The following SPTLC3 variants were observed in gnomAD, a reference collection of about 807,000 sequenced individuals.
The protein encoded by SPTLC3 is serine palmitoyltransferase long chain base subunit 3.
In SPTLC3, 36 loss-of-function variants were observed where a neutral mutation model predicts 59.3. The observed-to-expected ratio is 0.61, with a 90% CI of 0.47 to 0.80. The LOEUF (loss-of-function observed/expected upper bound fraction) is 0.80, where lower values mean the gene tolerates loss of function less well. Among genes scored for constraint, SPTLC3 ranks in the 30% least tolerant of loss-of-function variants. SPTLC3 has a pLI of 0.00. For synonymous variants in SPTLC3, 257 were observed against 240.8 expected (o/e 1.07, Z -0.62); for missense variants, 625 against 685.1 (o/e 0.91, Z 0.98).
chr20:13,092,898 A>C (rs191608022), intron 5 of SPTLC3, among the ~76,000 whole-genome samples: 105 of 152,314 alleles, frequency 6.9e-4, no homozygotes, highest in African/African-American at 2.5e-3. Context: ...TACAAAGGGT[A>C]ATTTACAAGC....
chr20:13,105,119 G>A (rs1989805601), intron 6 of SPTLC3, among the ~76,000 whole-genome samples: 1 of 152,134 alleles, frequency 6.6e-6, no homozygotes, highest in Non-Finnish European at 1.5e-5. Flanking sequence ...TGTAACCCAC[G>A]CACTGTAGCC....
chr20:13,083,017 A>G (rs916252868), intron 4 of SPTLC3, among the ~76,000 whole-genome samples: 2 of 152,238 alleles, frequency 1.3e-5, no homozygotes, highest in African/African-American at 4.8e-5. Flanking sequence ...CAATCCATTT[A>G]TTCTGTACTC....
intron 2 of SPTLC3, among the ~76,000 whole-genome samples, chr20:13,057,611 T>C (rs1035775626): frequency 1.3e-5 from 2 of 152,174 alleles, no homozygotes; most frequent in South Asian, 2.1e-4. Flanking sequence ...GAGTATTAAC[T>C]GAAAAGAATA....
chr20:13,025,366 G>C (rs1186181892), intron 1 of SPTLC3, among the ~76,000 whole-genome samples: 1 of 152,062 alleles, frequency 6.6e-6, no homozygotes, highest in Non-Finnish European at 1.5e-5. Context: ...CTAGTAACCT[G>C]AATCATTATG....
rs534355052 is a variant in SPTLC3, at chr20:13,071,594, G to A, written c.304-662G>A. Among the ~76,000 whole-genome samples the A allele has an allele frequency of 3.3e-5, 5 of 152,290 alleles. No homozygotes were observed. The East Asian group carries it at 9.6e-4, about 29-fold the overall frequency. Reference sequence around the variant, plus strand: ...AAAATCAAATGAGCGCCGGCAATGAGCTATACTTTTTTTTCTAAACGGGAA... The same window carrying A: ...AAAATCAAATGAGCGCCGGCAATGAACTATACTTTTTTTTCTAAACGGGAA... On this transcript the variant is annotated intron_variant, in intron 2 of 11. Transcript: ENST00000399002.
chr20:13,135,950 T>C (rs1216219629), intron 9 of SPTLC3, among the ~76,000 whole-genome samples: 1 of 152,234 alleles, frequency 6.6e-6, no homozygotes, highest in East Asian at 1.9e-4. Flanking sequence ...TATAATCAAG[T>C]GACCAGTAAT....
At chr20:13,073,781 C>G in intron 3 of SPTLC3, 1 of 597,756 alleles carries the variant, frequency 1.7e-6, no homozygotes, top group South Asian at 1.5e-5. Context: ...GGCAGCCAGC[C>G]TGCACTGGTC....
chr20:13,108,539 G>T (rs1261676898), intron 6 of SPTLC3, among the ~76,000 whole-genome samples: 1 of 152,128 alleles, frequency 6.6e-6, no homozygotes, highest in African/African-American at 2.4e-5. Context: ...TGTCTGTAGT[G>T]GTCAAAACCA....
At chr20:13,105,938 T>C (rs535537854) in intron 6 of SPTLC3, among the ~76,000 whole-genome samples, 2 of 152,330 alleles carry the variant, frequency 1.3e-5, no homozygotes, top group South Asian at 4.1e-4. Flanking sequence ...TTTTAGGAAC[T>C]CTGCCTAAAG....
Position 13,146,022 on chromosome 20 carries a change from A to G in SPTLC3, c.1280-7981A>G, listed in dbSNP as rs372828551. 2.6e-4 allele frequency among the ~76,000 whole-genome samples: 39 copies of G among 152,366 alleles called. 1 individual carries two copies. The East Asian group carries it at 7.1e-3, about 28-fold the overall frequency. On this transcript the variant is annotated intron_variant, in intron 9 of 11. Transcript: ENST00000399002. ...TCACAATAGCAAAGACATGGAATCA[A>G]CCTAAATCCTTATCAATGACAGACT...
chr20:13,100,449 G>A (rs1481538701), intron 6 of SPTLC3, among the ~76,000 whole-genome samples: 1 of 152,132 alleles, frequency 6.6e-6, no homozygotes, highest in Non-Finnish European at 1.5e-5. Flanking sequence ...GGGTACTAGA[G>A]CCAGGCCTGG....
At chr20:13,021,124 C>T (rs1406601694) in intron 1 of SPTLC3, among the ~76,000 whole-genome samples, 1 of 152,110 alleles carries the variant, frequency 6.6e-6, no homozygotes, top group African/African-American at 2.4e-5. Context: ...GAAAAATAAT[C>T]ACTCTCTCTT....
chr20:13,067,375 C>T (rs1988262890), intron 2 of SPTLC3, among the ~76,000 whole-genome samples: 1 of 152,038 alleles, frequency 6.6e-6, no homozygotes, highest in Admixed American at 6.5e-5. Context: ...TTGAAGCTGG[C>T]TTTATTAGCT....
At chr20:13,021,857 T>C (rs1480565669) in intron 1 of SPTLC3, among the ~76,000 whole-genome samples, 1 of 152,210 alleles carries the variant, frequency 6.6e-6, no homozygotes, top group Non-Finnish European at 1.5e-5. Flanking sequence ...AAGCTTTATT[T>C]CTAACACATC....
intron 4 of SPTLC3, among the ~76,000 whole-genome samples, chr20:13,076,429 A>G (rs1359603949): frequency 1.3e-5 from 2 of 152,218 alleles, no homozygotes; most frequent in Non-Finnish European, 1.5e-5. Flanking sequence ...TTAGTAACCA[A>G]AATACCTTCT....
intron 2 of SPTLC3, among the ~76,000 whole-genome samples, chr20:13,055,155 A>G (rs1549823): frequency 1 from 151,342 of 152,008 alleles, 75,343 homozygotes; most frequent in Middle Eastern, 1. Flanking sequence ...GGGCAGATAC[A>G]TGGATAGCAA....
chr20:13,086,693 T>TGTG (rs1286338881), intron 4 of SPTLC3, among the ~76,000 whole-genome samples: 1 of 152,198 alleles, frequency 6.6e-6, no homozygotes, highest in Non-Finnish European at 1.5e-5. Context: ...CTGGAAATCC[T>TGTG]GAAAAAGGAC....
intron 1 of SPTLC3, among the ~76,000 whole-genome samples, chr20:13,041,765 T>G (rs757456551): frequency 6.6e-6 from 1 of 151,282 alleles, no homozygotes; most frequent in Non-Finnish European, 1.5e-5. Flanking sequence ...GTCTTTGTTG[T>G]GTTTGCTTAT....
intron 11 of SPTLC3, 72 bp downstream of exon 11, chr20:13,160,204 C>A: frequency 6.7e-7 from 1 of 1,501,736 alleles, no homozygotes; most frequent in South Asian, 1.4e-5. Context: ...TTTGTTGAGA[C>A]AGCTTGGGGT....
Sources: allele counts gnomAD v4.1 joint callset (sites outside exome capture counted in the v4.1 genomes callset), GRCh38; gene constraint gnomAD v4.1.1; transcripts MANE v1.5; gene names NCBI Gene and HGNC (gene_info 2026-07-23, HGNC 2026-07-21).